Variants in PKHD1 observed in about 807,000 individuals in gnomAD.
The protein encoded by PKHD1 is PKHD1 ciliary IPT domain containing fibrocystin/polyductin, also known as fibrocystin.
Under a neutral mutation model 412.0 loss-of-function variants are expected in PKHD1, and 291 were observed. The observed-to-expected ratio is 0.71, with a 90% confidence interval of 0.64 to 0.78. The LOEUF is 0.78. Ranked by LOEUF, PKHD1 falls within the 30% of genes least tolerant of loss-of-function variation. The pLI, the probability that PKHD1 is intolerant of heterozygous loss-of-function variation, is 0.00. For missense variants in PKHD1, 4,825 were observed against 4,950.7 expected, an observed-to-expected ratio of 0.97 and a Z score of 0.76; for synonymous variants, 1,777 against 1,821.5, an observed-to-expected ratio of 0.98 and a Z score of 0.62.
chr6:51,659,537 G>T lies in PKHD1; in HGVS notation c.10589C>A (p.Ser3530Tyr). The change falls in exon 61 of 67, where the codon TCT (serine) becomes TAT (tyrosine). Residue 3530 changes from serine to tyrosine, a missense_variant. Ser to Tyr is a moderately radical substitution (Grantham distance 144, BLOSUM62 -2). Transcript: ENST00000371117. ...GATGTTGAAATAGTTGGCACCAATAGATTCATTCAGCAATAAGGAAGCTGA... is the reference window on the plus strand; with the variant it reads ...GATGTTGAAATAGTTGGCACCAATATATTCATTCAGCAATAAGGAAGCTGA... ...VQSASLLLNE[S>Y]IGANYFNIMD... The T allele has an allele frequency of 6.2e-7, 1 of 1,613,646 alleles. No homozygotes were observed. Among genetic ancestry groups the T allele is most frequent in the Non-Finnish European group, 8.5e-7 (1 of 1,179,790 alleles).
At chr6:51,810,765 T>C (rs1418427278) in intron 52 of PKHD1, among the ~76,000 whole-genome samples, 3 of 152,154 alleles carry the variant, frequency 2.0e-5, no homozygotes, top group African/African-American at 7.2e-5. Flanking sequence ...GCACTGCACG[T>C]GACAAGGGGA....
At chr6:51,732,937 T>C (rs2150899496) in intron 60 of PKHD1, among the ~76,000 whole-genome samples, 1 of 152,302 alleles carries the variant, frequency 6.6e-6, no homozygotes, top group Non-Finnish European at 1.5e-5. Context: ...GTTCATGCAA[T>C]GGAATGAAAT....
intron 61 of PKHD1, 32 bp from the exon 62 acceptor site, chr6:51,649,252 C>T: frequency 1.9e-6 from 3 of 1,545,192 alleles, no homozygotes; most frequent in South Asian, 1.1e-5. Flanking sequence ...AAAATACATC[C>T]TTAGGATTAC....
chr6:51,682,095 G>A (rs1776749678), intron 60 of PKHD1: 1 of 376,788 alleles, frequency 2.7e-6, no homozygotes, highest in Non-Finnish European at 5.4e-6. Flanking sequence ...CAGCATCAGG[G>A]TAGACTAGGT....
chr6:51,948,477 G>C (rs1310397985), intron 36 of PKHD1, among the ~76,000 whole-genome samples: 1 of 152,098 alleles, frequency 6.6e-6, no homozygotes. Flanking sequence ...CTCTCCTGCT[G>C]CATTTTTCTC....
At chr6:51,987,769 T>C (rs560006198) in intron 35 of PKHD1, among the ~76,000 whole-genome samples, 117 of 152,128 alleles carry the variant, frequency 7.7e-4, no homozygotes, top group Non-Finnish European at 1.5e-3. Context: ...CTGTGAACTT[T>C]TGGTATTCTC....
chr6:51,968,160 C>T (rs1234952164), intron 35 of PKHD1, among the ~76,000 whole-genome samples: 1 of 152,132 alleles, frequency 6.6e-6, no homozygotes, highest in Non-Finnish European at 1.5e-5. Flanking sequence ...GTATTCACTG[C>T]CATCTGCTCT....
intron 43 of PKHD1, 65 bp downstream of exon 43, chr6:51,903,532 C>G (rs1203538155): frequency 1.4e-6 from 2 of 1,466,966 alleles, no homozygotes; most frequent in Non-Finnish European, 1.9e-6. Flanking sequence ...GTTGGACACC[C>G]CTGATTGAGA....
At chr6:51,720,459 T>C (rs2150819462) in intron 60 of PKHD1, among the ~76,000 whole-genome samples, 1 of 152,274 alleles carries the variant, frequency 6.6e-6, no homozygotes, top group East Asian at 1.9e-4. Context: ...AGGCTCTTTC[T>C]TACTTGGGGT....
At chr6:51,921,989 TC>T in intron 37 of PKHD1, among the ~76,000 whole-genome samples, 1 of 152,356 alleles carries the variant, frequency 6.6e-6, no homozygotes, top group East Asian at 1.9e-4. Flanking sequence ...GGAGCTGCGA[TC>T]TTTTGGAGGA....
At chr6:51,807,359 A>C (rs2151372029) in intron 52 of PKHD1, among the ~76,000 whole-genome samples, 1 of 148,506 alleles carries the variant, frequency 6.7e-6, no homozygotes, top group South Asian at 2.2e-4. Context: ...AATTACTTGA[A>C]CCCGGGAGGC....
At chr6:51,942,094 A>G (rs1788683210) in intron 36 of PKHD1, among the ~76,000 whole-genome samples, 1 of 151,664 alleles carries the variant, frequency 6.6e-6, no homozygotes, top group Admixed American at 6.6e-5. Flanking sequence ...TAACAAAGCC[A>G]TTATATAAGC....
At chr6:51,921,312 G>T (rs892076566) in intron 37 of PKHD1, among the ~76,000 whole-genome samples, 2 of 152,158 alleles carry the variant, frequency 1.3e-5, no homozygotes, top group Non-Finnish European at 2.9e-5. Flanking sequence ...AGTCTGATGG[G>T]CTTCCCTTTG....
intron 35 of PKHD1, among the ~76,000 whole-genome samples, chr6:51,993,738 A>G (rs1797331011): frequency 6.6e-6 from 1 of 152,226 alleles, no homozygotes; most frequent in Non-Finnish European, 1.5e-5. Context: ...ACTCTGACAA[A>G]GTTAATTGGG....
intron 35 of PKHD1, among the ~76,000 whole-genome samples, chr6:51,960,576 T>C (rs1791867017): frequency 6.6e-6 from 1 of 152,158 alleles, no homozygotes; most frequent in African/African-American, 2.4e-5. Flanking sequence ...AACATTCCTC[T>C]TCCTAAGTGC....
intron 49 of PKHD1, among the ~76,000 whole-genome samples, chr6:51,854,847 CTTAGCATG>C (rs1772985602): frequency 6.6e-6 from 1 of 152,208 alleles, no homozygotes; most frequent in Admixed American, 6.5e-5. Context: ...ATCCACAGAG[CTTAGCATG>C]TTAGGCAGTT....
At chr6:51,686,612 T>C (rs1777475190) in intron 60 of PKHD1, among the ~76,000 whole-genome samples, 3 of 152,266 alleles carry the variant, frequency 2.0e-5, no homozygotes, top group South Asian at 2.1e-4. Context: ...TACTAGAGAA[T>C]TTACTTATTT....
intron 35 of PKHD1, among the ~76,000 whole-genome samples, chr6:51,961,516 T>C (rs536191512): frequency 6.6e-5 from 10 of 152,184 alleles, no homozygotes; most frequent in Non-Finnish European, 1.3e-4. Context: ...GCTACAAAAG[T>C]AGGAGAGAAT....
chr6:51,729,592 GAAGTTGCT>G (rs1385005323), intron 60 of PKHD1, among the ~76,000 whole-genome samples: 1 of 152,070 alleles, frequency 6.6e-6, no homozygotes, highest in Non-Finnish European at 1.5e-5. Flanking sequence ...TCTTAAAAGT[GAAGTTGCT>G]AAGTCAGAAG....
Sources: gnomAD v4.1 joint callset for allele counts (sites outside exome capture counted in the v4.1 genomes callset) on GRCh38, gnomAD v4.1.1 for gene constraint, MANE v1.5 for transcripts, NCBI Gene and HGNC (gene_info 2026-07-23, HGNC 2026-07-21) for gene names.